The following AK7 variants were observed in gnomAD, a reference collection of about 807,000 sequenced individuals.
AK7 encodes ATP-AMP transphosphorylase 7.
AK7 carries 78 observed loss-of-function variants against 96.6 expected under a neutral mutation model. That is an observed-to-expected ratio of 0.81 (90% CI 0.67 to 0.97). The LOEUF is 0.97. Ranked by LOEUF, AK7 falls within the 50% of genes least tolerant of loss-of-function variation. The pLI is 0.00. For synonymous variants in AK7, 302 were observed against 317.2 expected, an observed-to-expected ratio of 0.95 and a Z score of 0.51; for missense variants, 855 against 887.9, an observed-to-expected ratio of 0.96 and a Z score of 0.47.
At chr14:96,436,926 T>C (rs1892669260) in intron 5 of AK7, among the ~76,000 whole-genome samples, 1 of 152,084 alleles carries the variant, frequency 6.6e-6, no homozygotes, top group African/African-American at 2.4e-5. Context: ...GTTCATCTTA[T>C]TCTGGATTCA....
At chr14:96,432,393 G>C (rs1892403503) in intron 5 of AK7, among the ~76,000 whole-genome samples, 1 of 152,026 alleles carries the variant, frequency 6.6e-6, no homozygotes, top group Admixed American at 6.6e-5. Flanking sequence ...TGCATTTAAG[G>C]TTAATATTGT....
intron 6 of AK7, among the ~76,000 whole-genome samples, chr14:96,438,217 T>C (rs371241004): frequency 6.6e-6 from 1 of 152,050 alleles, no homozygotes; most frequent in African/African-American, 2.4e-5. Flanking sequence ...AATAATAAAG[T>C]CCCTCCTCTT....
Position 96,420,887 on chromosome 14 carries a change from G to A in AK7, c.564G>A (p.Leu188=). The change falls in exon 5 of 18, where the codon CTG becomes CTA. Residue 188 remains leucine, a synonymous_variant. Transcript: ENST00000267584. ...YRRRKSHPNF[L]DHINAEKMVL... ...GAAGAAAGTCTCATCCTAATTTTCTGGACCACATAAATGCTGAAAAAATGG... is the reference window on the plus strand; with the variant it reads ...GAAGAAAGTCTCATCCTAATTTTCTAGACCACATAAATGCTGAAAAAATGG... 6.2e-7 allele frequency: 1 copy of A among 1,613,482 alleles called. No homozygotes were observed. Among genetic ancestry groups the A allele is most frequent in the Non-Finnish European group, 8.5e-7 (1 of 1,179,606 alleles).
At chr14:96,408,342 C>T (rs950290163) in intron 3 of AK7, among the ~76,000 whole-genome samples, 3 of 152,234 alleles carry the variant, frequency 2.0e-5, no homozygotes, top group Non-Finnish European at 2.9e-5. Flanking sequence ...GACTCTGCCC[C>T]ATCACTTCCC....
intron 4 of AK7, among the ~76,000 whole-genome samples, chr14:96,419,095 T>A (rs1249795242): frequency 2.0e-5 from 3 of 152,216 alleles, no homozygotes; most frequent in Non-Finnish European, 4.4e-5. Context: ...CATCCCTCTA[T>A]GGGACTGCAC....
At position 96,392,169 on chromosome 14, in the gene AK7, G is replaced by A; in HGVS notation, c.15G>A (p.Glu5=). 1.2e-6 allele frequency: 2 copies of A among 1,613,350 alleles called. No homozygotes were observed. Among genetic ancestry groups the A allele is most frequent in the Non-Finnish European group, 1.7e-6 (2 of 1,179,344 alleles). The change falls in exon 1 of 18, where the codon GAG becomes GAA. Residue 5 remains glutamate, a synonymous_variant. Coordinates refer to ENST00000267584, the MANE Select transcript of AK7 (RefSeq NM_152327.5). ...CGGCTCCCACCATGGCTGAAGAAGA[G>A]GAAACTGCTGCTCTCACGGAGAAGG... The part of the protein sequence containing the change: MAEE[E]ETAALTEKVI...
intron 16 of AK7, among the ~76,000 whole-genome samples, chr14:96,485,855 T>G (rs1276761866): frequency 6.6e-6 from 1 of 150,854 alleles, no homozygotes; most frequent in Non-Finnish European, 1.5e-5. Flanking sequence ...GAGTGCAGTG[T>G]TACGATCTCG....
intron 5 of AK7, among the ~76,000 whole-genome samples, chr14:96,430,322 A>G (rs1892279356): frequency 6.6e-6 from 1 of 151,240 alleles, no homozygotes; most frequent in African/African-American, 2.4e-5. Context: ...AGTAGCTGGG[A>G]CTACAGGCGC....
At chr14:96,449,661 TGATTAC>T (rs1893467421) in intron 8 of AK7, 135 bp from the exon 9 acceptor site, 1 of 582,224 alleles carries the variant, frequency 1.7e-6, no homozygotes, top group Non-Finnish European at 3.1e-6. Flanking sequence ...CTCAAACTCC[TGATTAC>T]GGGTGATCCG....
chr14:96,417,975 TC>T (rs1891441162), intron 4 of AK7, among the ~76,000 whole-genome samples: 1 of 152,074 alleles, frequency 6.6e-6, no homozygotes, highest in African/African-American at 2.4e-5. Context: ...ACAATATGTA[TC>T]AAAATATTAA....
At chr14:96,417,585 T>A (rs1223465752) in intron 4 of AK7, among the ~76,000 whole-genome samples, 1 of 152,238 alleles carries the variant, frequency 6.6e-6, no homozygotes, top group African/African-American at 2.4e-5. Flanking sequence ...AACTCATTGG[T>A]AAATTCTGTT....
intron 2 of AK7, among the ~76,000 whole-genome samples, chr14:96,403,245 A>G (rs1390822402): frequency 2.0e-5 from 3 of 152,266 alleles, no homozygotes; most frequent in Non-Finnish European, 1.5e-5. Context: ...CAGGTAGAAC[A>G]TCATGTGAAT....
intron 16 of AK7, 149 bp from the exon 17 acceptor site, chr14:96,486,749 A>G: frequency 1.6e-6 from 1 of 628,524 alleles, no homozygotes; most frequent in Non-Finnish European, 2.6e-6. Context: ...AACACCATTT[A>G]TGTCTTTTCT....
At chr14:96,398,016 C>A in intron 1 of AK7, 59 bp from the exon 2 acceptor site, 1 of 1,539,150 alleles carries the variant, frequency 6.5e-7, no homozygotes, top group Non-Finnish European at 8.8e-7. Flanking sequence ...AATCATCATT[C>A]ACTGGCCCCC....
In AK7 at chr14:96,489,163, T is replaced by C. The variant is rs947717717; in HGVS notation, c.*820T>C. 3.3e-5 allele frequency: 5 copies of C among 152,232 alleles called. No individual in the cohort carries two copies. The highest frequency in any genetic ancestry group is 9.6e-5 in the African/African-American group (4 of 41,462). The allele number at this position is 152,232 out of a possible 1,614,324, so 9.4% of individuals were successfully genotyped here. Reference sequence around the variant, plus strand: ...GTAACCTAATATAACTGCCCGACTTTTTATTTGTGCTAAAATACATGTAAC... The same window carrying C: ...GTAACCTAATATAACTGCCCGACTTCTTATTTGTGCTAAAATACATGTAAC... On this transcript the variant is annotated 3_prime_UTR_variant, in exon 18 of 18. Transcript: ENST00000267584.
intron 5 of AK7, among the ~76,000 whole-genome samples, chr14:96,425,269 AT>A: frequency 6.6e-6 from 1 of 152,316 alleles, no homozygotes; most frequent in African/African-American, 2.4e-5. Context: ...AACACAGTCT[AT>A]GCACTCCAGA....
intron 5 of AK7, among the ~76,000 whole-genome samples, chr14:96,423,312 C>T (rs1409934155): frequency 1.3e-5 from 2 of 152,174 alleles, no homozygotes; most frequent in Non-Finnish European, 2.9e-5. Flanking sequence ...CAGAGGCAAC[C>T]AATCCTTATT....
At chr14:96,418,400 C>A (rs1185801573) in intron 4 of AK7, among the ~76,000 whole-genome samples, 1 of 149,956 alleles carries the variant, frequency 6.7e-6, no homozygotes, top group Admixed American at 6.8e-5. Context: ...CTCAGTGTGG[C>A]TCAGAAACCC....
At chr14:96,396,037 C>G (rs527471023) in intron 1 of AK7, among the ~76,000 whole-genome samples, 1 of 152,050 alleles carries the variant, frequency 6.6e-6, no homozygotes, top group Admixed American at 6.6e-5. Context: ...GTCTCGATCT[C>G]CTGACCTCGT....
Sources: gnomAD v4.1 joint callset for allele counts (sites outside exome capture counted in the v4.1 genomes callset) on GRCh38, gnomAD v4.1.1 for gene constraint, MANE v1.5 for transcripts, NCBI Gene and HGNC (gene_info 2026-07-23, HGNC 2026-07-21) for gene names.